Variants in DPYSL5 observed in about 807,000 individuals in gnomAD.
DPYSL5 encodes dihydropyrimidinase like 5.
DPYSL5 carries 9 observed loss-of-function variants against 58.4 expected under a neutral mutation model. That is an observed-to-expected ratio of 0.15 (90% CI 0.09 to 0.27). DPYSL5 has a LOEUF of 0.27. Ranked by LOEUF, DPYSL5 falls within the 10% of genes least tolerant of loss-of-function variation. DPYSL5 has a pLI of 1.00. For synonymous variants in DPYSL5, 293 were observed against 301.9 expected, an observed-to-expected ratio of 0.97 and a Z score of 0.31; for missense variants, 499 against 770.6, an observed-to-expected ratio of 0.65 and a Z score of 4.17.
At chr2:26,867,930 A>G (rs1033407963) in intron 1 of DPYSL5, among the ~76,000 whole-genome samples, 1 of 152,058 alleles carries the variant, frequency 6.6e-6, no homozygotes, top group African/African-American at 2.4e-5. Flanking sequence ...AGGGTGCAAT[A>G]ATTCACGTTT....
At chr2:26,906,653 A>C (rs1664300963) in intron 2 of DPYSL5, among the ~76,000 whole-genome samples, 1 of 152,180 alleles carries the variant, frequency 6.6e-6, no homozygotes, top group Non-Finnish European at 1.5e-5. Context: ...GTCATCTTAG[A>C]ATTCTGCCTA....
chr2:26,848,513 G>A (rs575800997), intron 1 of DPYSL5: 3 of 152,434 alleles, frequency 2.0e-5, no homozygotes, highest in South Asian at 4.1e-4. Flanking sequence ...CGTTTAATGC[G>A]TGCTCGCGGG....
chr2:26,943,324 A>G (rs1051178416), intron 11 of DPYSL5, among the ~76,000 whole-genome samples: 3 of 151,470 alleles, frequency 2.0e-5, no homozygotes, highest in African/African-American at 7.3e-5. Flanking sequence ...CTGCCGTGGG[A>G]GCGCAGGCTT....
At chr2:26,865,907 CAGAT>C (rs1388198800) in intron 1 of DPYSL5, among the ~76,000 whole-genome samples, 1 of 152,176 alleles carries the variant, frequency 6.6e-6, no homozygotes, top group African/African-American at 2.4e-5. Flanking sequence ...TAAAATCTAA[CAGAT>C]AGAGACCTGC....
chr2:26,901,890 C>A (rs1664169044), intron 2 of DPYSL5, among the ~76,000 whole-genome samples: 1 of 151,752 alleles, frequency 6.6e-6, no homozygotes, highest in Non-Finnish European at 1.5e-5. Flanking sequence ...CTCCATTGTA[C>A]TTGACCTCCA....
At chr2:26,848,666 C>A (rs1665661010) in intron 1 of DPYSL5, 1 of 152,756 alleles carries the variant, frequency 6.5e-6, no homozygotes, top group South Asian at 2.1e-4. Context: ...GCCAGTCCTG[C>A]CGGTCCCAGG....
chr2:26,942,282 C>T lies in DPYSL5; in HGVS notation c.1232+190C>T, dbSNP rs1213408861. On this transcript the variant is annotated intron_variant, in intron 10 of 12. Coordinates refer to ENST00000288699, the MANE Select transcript of DPYSL5 (RefSeq NM_020134.4). This position sits in a 1 kb window ranked among gnomAD's most constrained non-coding sequence, Gnocchi z 5.9. ...TCCGTGTCACACATGTCTGGTGTGT[C>T]TGTCTCCTCTTCTTATAAGGACACC... Among the ~76,000 whole-genome samples, 1 of 152,220 alleles carries T rather than the reference C, an allele frequency of 6.6e-6. No individual in the cohort carries two copies. The highest frequency in any genetic ancestry group is 2.4e-5 in the African/African-American group (1 of 41,454).
chr2:26,849,691 T>C lies in DPYSL5; in HGVS notation c.-5+1437T>C, dbSNP rs7582890. Among the ~76,000 whole-genome samples, 16,408 of 152,278 alleles carry C rather than the reference T, an allele frequency of 0.11. 2,566 individuals carry two copies. Among genetic ancestry groups the C allele is most frequent in the African/African-American group, 0.34 (14,275 of 41,542 alleles). On this transcript the variant is annotated intron_variant, in intron 1 of 12. Transcript: ENST00000288699. The surrounding 1 kb of genome is among the most constrained non-coding windows in gnomAD (Gnocchi z 6.2). ...GAACAATAGCCGACCCTGGTGTCCA[T>C]CCGACGACAAACCAGGGCCACCCAG...
rs186936112 is a variant in DPYSL5, at chr2:26,924,809, T to C, written c.262-78T>C. The C allele has an allele frequency of 1.3e-6, 2 of 1,532,714 alleles. No homozygotes were observed. Among genetic ancestry groups the C allele is most frequent in the East Asian group, 2.3e-5 (1 of 42,882 alleles). 94.9% of individuals were successfully genotyped at this position (1,532,714 alleles called of 1,614,324 possible). On this transcript the variant is annotated intron_variant, in intron 2 of 12. Transcript: ENST00000288699. This position sits in a 1 kb window ranked among gnomAD's most constrained non-coding sequence, Gnocchi z 4.7. ...GCAGGGCCTGTCTTTGAATGGACCA[T>C]GAGGACCATGTCTCACCACATCATT... is the stretch of plus-strand genomic sequence containing the variant.
rs143828804 is a variant in DPYSL5, at chr2:26,928,687, G to GTGTA, written c.669+365_669+366insGTAT. On this transcript the variant is annotated intron_variant, in intron 5 of 12. Coordinates refer to ENST00000288699, the MANE Select transcript of DPYSL5 (RefSeq NM_020134.4). ...ACTGCAATCCAGCCAAGGTGATAGA[G>GTGTA]TATATATATATATATATACACACAC... Among the ~76,000 whole-genome samples the GTGTA allele has an allele frequency of 1.5e-4, 9 of 60,700 alleles. 1 individual carries two copies. The highest frequency in any genetic ancestry group is 4.7e-4 in the African/African-American group (8 of 16,892). 39.8% of individuals were successfully genotyped at this position (60,700 alleles called of 152,430 possible). A position where few individuals can be genotyped will look rare whatever the true frequency, so the allele number is the denominator to read the frequency against.
At chr2:26,879,677 G>T (rs1663507138) in intron 1 of DPYSL5, among the ~76,000 whole-genome samples, 1 of 152,186 alleles carries the variant, frequency 6.6e-6, no homozygotes, top group Admixed American at 6.5e-5. Context: ...GTCAGTGAGT[G>T]CTGGTTCTCT....
intron 8 of DPYSL5, among the ~76,000 whole-genome samples, chr2:26,936,945 T>TAAAAAAAAAAAAAAAAAAAAA (rs55795892): frequency 6.4e-5 from 5 of 77,892 alleles, no homozygotes; most frequent in Admixed American, 1.3e-4. Context: ...AGACTTCATT[T>TAAAAAAAAAAAAAAAAAAAAA]AAAAAAAAAA....
chr2:26,867,851 C>A (rs1663140048), intron 1 of DPYSL5, among the ~76,000 whole-genome samples: 1 of 152,134 alleles, frequency 6.6e-6, no homozygotes, highest in African/African-American at 2.4e-5. Context: ...TGGAGAGAGT[C>A]CTAGGGGTGA....
At chr2:26,863,471 G>GGAGC (rs1666068095) in intron 1 of DPYSL5, among the ~76,000 whole-genome samples, 1 of 152,208 alleles carries the variant, frequency 6.6e-6, no homozygotes, top group Admixed American at 6.5e-5. Flanking sequence ...CATACCCCTG[G>GGAGC]GAGCTTGTGG....
rs1199442267 is a variant in DPYSL5 at position 26,944,743 on chromosome 2, C to G, written c.1528C>G (p.Pro510Ala). The change falls in exon 12 of 13, where the codon CCA becomes GCA. Residue 510 changes from proline to alanine, a missense_variant. Around this residue, in one of 3 missense-constraint regions of DPYSL5, gnomAD observed 62 missense variants for 59.2 expected, o/e 1.05. Coordinates refer to ENST00000288699, the MANE Select transcript of DPYSL5 (RefSeq NM_020134.4). The surrounding 1 kb of genome is among the most constrained non-coding windows in gnomAD (Gnocchi z 4.4). Reference protein sequence around the residue: ...VHPGKKEMGTPLADTPTRPVT... With the variant: ...VHPGKKEMGTALADTPTRPVT... ...CCCTGGGAAAAAAGAGATGGGAACCCCACTCGCAGACACTCCTACCCGGCC... is the reference window on the plus strand; with the variant it reads ...CCCTGGGAAAAAAGAGATGGGAACCGCACTCGCAGACACTCCTACCCGGCC... 6.2e-7 allele frequency: 1 copy of G among 1,614,116 alleles called. No individual in the cohort carries two copies. Among genetic ancestry groups the G allele is most frequent in the Admixed American group, 1.7e-5 (1 of 60,016 alleles).
intron 1 of DPYSL5, among the ~76,000 whole-genome samples, chr2:26,851,361 C>T (rs1233074551): frequency 2.2e-5 from 1 of 45,022 alleles, no homozygotes; most frequent in Non-Finnish European, 4.2e-5. Context: ...CTGTTGTCAG[C>T]GTAACCTCTC....
rs1435294811 is a variant in DPYSL5 at position 26,848,271 on chromosome 2, G to C, written c.-5+17G>C. On this transcript the variant is annotated intron_variant, in intron 1 of 12. Transcript: ENST00000288699. ...CTCGGAGGAGTGGGTGATGGCAGGGGGGTCGGTGGGCTTACCCCTCCCGGG... is the reference window on the plus strand; with the variant it reads ...CTCGGAGGAGTGGGTGATGGCAGGGCGGTCGGTGGGCTTACCCCTCCCGGG... 1 of 152,332 alleles carries C rather than the reference G, an allele frequency of 6.6e-6. No individual in the cohort carries two copies. Among genetic ancestry groups the C allele is most frequent in the Non-Finnish European group, 1.5e-5 (1 of 68,138 alleles). The allele number at this position is 152,332 out of a possible 1,614,324, so 9.4% of individuals were successfully genotyped here.
chr2:26,871,381 AT>A (rs1213224638), intron 1 of DPYSL5, among the ~76,000 whole-genome samples: 2 of 152,020 alleles, frequency 1.3e-5, no homozygotes, highest in African/African-American at 4.8e-5. Flanking sequence ...TTATATCAGC[AT>A]CATAAATAGA....
chr2:26,886,194 A>T (rs574539951), intron 1 of DPYSL5, among the ~76,000 whole-genome samples: 1 of 152,362 alleles, frequency 6.6e-6, no homozygotes, highest in South Asian at 2.1e-4. Flanking sequence ...GGATGTCGGG[A>T]GAAGTAGTCA....
Sources: gnomAD v4.1 joint callset for allele counts (sites outside exome capture counted in the v4.1 genomes callset) on GRCh38, gnomAD v4.1.1 for gene constraint, gnomAD v4.1.1 regional missense constraint, Gnocchi (gnomAD v3.1) non-coding constraint, MANE v1.5 for transcripts, NCBI Gene and HGNC (gene_info 2026-07-23, HGNC 2026-07-21) for gene names.